Variants in SLC7A2 observed in about 807,000 individuals in gnomAD.
The protein encoded by SLC7A2 is cationic amino acid transporter 2.
A neutral mutation model predicts 58.9 loss-of-function variants in SLC7A2; 48 were observed. The observed-to-expected ratio is 0.82, with a 90% confidence interval of 0.65 to 1.04. SLC7A2 has a LOEUF of 1.04. Ranked by LOEUF, SLC7A2 falls within the 50% of genes least tolerant of loss-of-function variation. The pLI is 0.00. For missense variants in SLC7A2, 1,029 were observed against 818.8 expected, an observed-to-expected ratio of 1.26 and a Z score of -3.13; for synonymous variants, 363 against 314.5, an observed-to-expected ratio of 1.15 and a Z score of -1.63.
intron 6 of SLC7A2, among the ~76,000 whole-genome samples, chr8:17,551,422 A>G (rs531194720): frequency 6.6e-6 from 1 of 152,154 alleles, no homozygotes; most frequent in African/African-American, 2.4e-5. Flanking sequence ...AACATGGTGC[A>G]AACCATCTCT....
intron 2 of SLC7A2, among the ~76,000 whole-genome samples, chr8:17,519,993 A>G (rs1800951362): frequency 6.6e-6 from 1 of 152,184 alleles, no homozygotes; most frequent in Non-Finnish European, 1.5e-5. Flanking sequence ...GACTTGGGAA[A>G]AGAAGAGTTT....
intron 2 of SLC7A2, chr8:17,511,275 AT>A (rs1300534873): frequency 6.6e-6 from 1 of 152,160 alleles, no homozygotes; most frequent in Non-Finnish European, 1.5e-5. Flanking sequence ...TAAAAAAAAA[AT>A]CTATAGAAAA....
intron 8 of SLC7A2, chr8:17,555,177 A>T (rs1290254046): frequency 4.4e-6 from 5 of 1,135,690 alleles, no homozygotes; most frequent in Non-Finnish European, 6.1e-6. Context: ...CTGTGCATGT[A>T]AGTTAAAAAA....
intron 2 of SLC7A2, among the ~76,000 whole-genome samples, chr8:17,522,907 G>A (rs1424850271): frequency 1.3e-5 from 2 of 151,910 alleles, no homozygotes; most frequent in African/African-American, 2.4e-5. Context: ...CATGGAGGGT[G>A]CCCCCGTATC....
chr8:17,524,631 G>A (rs879795432), intron 2 of SLC7A2, among the ~76,000 whole-genome samples: 5 of 152,094 alleles, frequency 3.3e-5, no homozygotes, highest in Non-Finnish European at 5.9e-5. Flanking sequence ...GCATAAGAAT[G>A]ATACACTGGA....
chr8:17,524,437 C>T (rs1473616204), intron 2 of SLC7A2, among the ~76,000 whole-genome samples: 7 of 151,676 alleles, frequency 4.6e-5, no homozygotes, highest in Non-Finnish European at 1.0e-4. Context: ...CACACACACA[C>T]ACACACACAC....
chr8:17,505,915 A>G (rs993171768), intron 2 of SLC7A2, among the ~76,000 whole-genome samples: 2 of 152,222 alleles, frequency 1.3e-5, no homozygotes, highest in Admixed American at 1.3e-4. Context: ...ACTAACCCAT[A>G]GCGTTTCCTT....
upstream of SLC7A2, chr8:17,496,967 G>C (rs1183910193): frequency 6.6e-6 from 1 of 151,054 alleles, no homozygotes; most frequent in Non-Finnish European, 1.5e-5. Flanking sequence ...GCGCGGCCGG[G>C]GCCCGGCGGG....
chr8:17,565,161 G>A lies in SLC7A2; in HGVS notation c.*15G>A, dbSNP rs1209304937. ...GTGAATTCTAACACTTGCAGGAGCA[G>A]AGCTGGTCATCGTCTTAGCATACAT... On this transcript the variant is annotated 3_prime_UTR_variant, in exon 13 of 13. Transcript: ENST00000494857. 1 of 1,597,212 alleles carries A rather than the reference G, an allele frequency of 6.3e-7. No individual in the cohort carries two copies. Among genetic ancestry groups the A allele is most frequent in the Non-Finnish European group, 8.6e-7 (1 of 1,168,076 alleles).
intron 2 of SLC7A2, chr8:17,538,808 C>A (rs17124788): frequency 1.8e-5 from 29 of 1,613,252 alleles, no homozygotes; most frequent in Non-Finnish European, 2.3e-5. Flanking sequence ...TGTCTCACCA[C>A]GAAACTAGCA....
intron 2 of SLC7A2, among the ~76,000 whole-genome samples, chr8:17,514,756 G>A (rs1321864590): frequency 6.6e-6 from 1 of 152,146 alleles, no homozygotes; most frequent in South Asian, 2.1e-4. Context: ...GATTCTACTT[G>A]TTCAAGTTTA....
intron 2 of SLC7A2, among the ~76,000 whole-genome samples, chr8:17,532,097 GGCGGTGCCTGTAATCCCA>G (rs1801473789): frequency 6.6e-6 from 1 of 151,728 alleles, no homozygotes; most frequent in African/African-American, 2.4e-5. Flanking sequence ...CAGGTGTGGT[GGCGGTGCCTGTAATCCCA>G]GCTACTTGGG....
At chr8:17,527,786 G>A (rs187068242) in intron 2 of SLC7A2, among the ~76,000 whole-genome samples, 48 of 152,212 alleles carry the variant, frequency 3.2e-4, no homozygotes, top group Non-Finnish European at 6.8e-4. Flanking sequence ...ACTTGATAAC[G>A]CCTGCAAAGA....
chr8:17,524,082 A>G (rs1801124512), intron 2 of SLC7A2, among the ~76,000 whole-genome samples: 1 of 152,228 alleles, frequency 6.6e-6, no homozygotes, highest in Non-Finnish European at 1.5e-5. Context: ...AAGAATGGCC[A>G]TAATCAAGAA....
chr8:17,532,867 A>G (rs960843884), intron 2 of SLC7A2, among the ~76,000 whole-genome samples: 3 of 152,192 alleles, frequency 2.0e-5, no homozygotes, highest in Non-Finnish European at 2.9e-5. Context: ...GAGTTTCTCA[A>G]ATTTCTTTTT....
chr8:17,554,730 G>A (rs766869904), intron 8 of SLC7A2, 31 bp downstream of exon 8: 13 of 1,586,072 alleles, frequency 8.2e-6, no homozygotes, highest in Admixed American at 1.8e-5. Context: ...CTTCAGAAAC[G>A]GGGGATCTTT....
chr8:17,544,721 C>A (rs931117637), intron 4 of SLC7A2, 115 bp downstream of exon 4: 35 of 816,962 alleles, frequency 4.3e-5, no homozygotes, highest in Non-Finnish European at 5.0e-5. Context: ...TATATTTACA[C>A]ATTTATGTCA....
chr8:17,539,910 T>C (rs1801837425), intron 2 of SLC7A2, among the ~76,000 whole-genome samples: 1 of 152,310 alleles, frequency 6.6e-6, no homozygotes, highest in Non-Finnish European at 1.5e-5. Context: ...GAGAGTAAGA[T>C]GGTCATAACC....
intron 2 of SLC7A2, among the ~76,000 whole-genome samples, chr8:17,532,988 T>G (rs1465519890): frequency 1.3e-5 from 2 of 152,180 alleles, no homozygotes; most frequent in Non-Finnish European, 2.9e-5. Context: ...GACCTTCAGT[T>G]TTAAGGACCT....
Sources: allele counts gnomAD v4.1 joint callset (sites outside exome capture counted in the v4.1 genomes callset), GRCh38; gene constraint gnomAD v4.1.1; transcripts MANE v1.5; gene names NCBI Gene and HGNC (gene_info 2026-07-23, HGNC 2026-07-21).